SPMAP2L: variants seen among roughly 807,000 people sequenced by gnomAD.
The protein encoded by SPMAP2L is sperm microtubule associated protein 2-like.
At chr4:56,564,004 G>GTT in the SPMAP2L span, among the ~76,000 whole-genome samples, 1 of 152,104 alleles carries the variant, frequency 6.6e-6, no homozygotes, top group Non-Finnish European at 1.5e-5. Context: ...TGGTGAGAAG[G>GTT]TTTTTTAACT....
At chr4:56,604,018 G>A in the SPMAP2L span, among the ~76,000 whole-genome samples, 2 of 152,110 alleles carry the variant, frequency 1.3e-5, no homozygotes, top group Admixed American at 1.3e-4. Flanking sequence ...CTATAGATCA[G>A]TATTTTACAA....
the SPMAP2L span, among the ~76,000 whole-genome samples, chr4:56,578,203 G>A: frequency 3.9e-4 from 60 of 152,158 alleles, no homozygotes; most frequent in Middle Eastern, 6.8e-3. Flanking sequence ...GGCATACAAT[G>A]AATAAATAAA....
At chr4:56,532,453 A>G in the SPMAP2L span, among the ~76,000 whole-genome samples, 143 of 151,926 alleles carry the variant, frequency 9.4e-4, no homozygotes, top group African/African-American at 3.3e-3. Flanking sequence ...TCCTGCAGTT[A>G]TCCTCTCTCT....
chr4:56,615,582 A>G, the SPMAP2L span, among the ~76,000 whole-genome samples: 1 of 152,128 alleles, frequency 6.6e-6, no homozygotes, highest in South Asian at 2.1e-4. Flanking sequence ...CCCCGTCTCT[A>G]CTAAAAAATA....
chr4:56,603,975 G>A, the SPMAP2L span, among the ~76,000 whole-genome samples: 4 of 152,110 alleles, frequency 2.6e-5, no homozygotes, highest in African/African-American at 9.7e-5. Context: ...AAAATTCTCT[G>A]TAAAATTGCA....
the SPMAP2L span, among the ~76,000 whole-genome samples, chr4:56,600,097 C>CTTTCTTTTTTTT: frequency 1.1e-5 from 1 of 87,782 alleles, no homozygotes; most frequent in African/African-American, 5.1e-5. Flanking sequence ...TCTTTGCTTT[C>CTTTCTTTTTTTT]TTTTTTTTTT....
the SPMAP2L span, among the ~76,000 whole-genome samples, chr4:56,613,968 A>G: frequency 2.0e-5 from 3 of 152,208 alleles, no homozygotes; most frequent in African/African-American, 7.2e-5. Flanking sequence ...GCACCACCAC[A>G]TAGGCTGTGG....
At chr4:56,542,740 C>T in the SPMAP2L span, among the ~76,000 whole-genome samples, 1 of 144,420 alleles carries the variant, frequency 6.9e-6, no homozygotes, top group African/African-American at 2.7e-5. Context: ...TTGAGTAAGG[C>T]GCATCCTCTG....
chr4:56,602,048 G>T, the SPMAP2L span, among the ~76,000 whole-genome samples: 1 of 152,148 alleles, frequency 6.6e-6, no homozygotes, highest in Non-Finnish European at 1.5e-5. Context: ...ATAGGCTTTT[G>T]TATTTTTCCA....
the SPMAP2L span, among the ~76,000 whole-genome samples, chr4:56,606,314 T>C: frequency 6.6e-6 from 1 of 152,236 alleles, no homozygotes; most frequent in African/African-American, 2.4e-5. Flanking sequence ...CATTTGCTCT[T>C]GGAGAATTAC....
chr4:56,581,992 C>T, the SPMAP2L span, among the ~76,000 whole-genome samples: 1 of 152,108 alleles, frequency 6.6e-6, no homozygotes, highest in South Asian at 2.1e-4. Flanking sequence ...ATGTTTGACG[C>T]CCACATCATA....
At chr4:56,623,713 T>C in the SPMAP2L span, among the ~76,000 whole-genome samples, 6 of 152,156 alleles carry the variant, frequency 3.9e-5, no homozygotes, top group East Asian at 1.2e-3. Context: ...CCACTTTTCC[T>C]TCCTCCTCAT....
At chr4:56,534,130 C>T in the SPMAP2L span, among the ~76,000 whole-genome samples, 1 of 152,150 alleles carries the variant, frequency 6.6e-6, no homozygotes, top group South Asian at 2.1e-4. Flanking sequence ...GAATTGCCTG[C>T]AAGTCATCAT....
chr4:56,590,379 A>G, the SPMAP2L span, among the ~76,000 whole-genome samples: 1 of 152,228 alleles, frequency 6.6e-6, no homozygotes, highest in Non-Finnish European at 1.5e-5. Context: ...AAAATTATGC[A>G]TGGCTAAAAG....
chr4:56,560,440 C>T, the SPMAP2L span, among the ~76,000 whole-genome samples: 3 of 152,132 alleles, frequency 2.0e-5, no homozygotes, highest in African/African-American at 7.2e-5. Context: ...AAACTCTTCC[C>T]AAATGTGGAG....
the SPMAP2L span, among the ~76,000 whole-genome samples, chr4:56,534,109 A>T: frequency 6.6e-6 from 1 of 151,990 alleles, no homozygotes; most frequent in Non-Finnish European, 1.5e-5. Context: ...TAGAGGAAAA[A>T]TTTCTCAATT....
the SPMAP2L span, among the ~76,000 whole-genome samples, chr4:56,561,372 C>G: frequency 5.9e-5 from 9 of 152,046 alleles, no homozygotes; most frequent in African/African-American, 1.9e-4. Context: ...GGGTAATTTA[C>G]AAAGAGAAGA....
the SPMAP2L span, among the ~76,000 whole-genome samples, chr4:56,625,161 G>T: frequency 9.4e-3 from 1,434 of 152,268 alleles, 15 homozygotes; most frequent in African/African-American, 0.033. Flanking sequence ...CTGCCCTGCT[G>T]GGTTTCAGAC....
the SPMAP2L span, among the ~76,000 whole-genome samples, chr4:56,538,815 CAAAAG>C: frequency 6.6e-6 from 1 of 152,126 alleles, no homozygotes; most frequent in African/African-American, 2.4e-5. Flanking sequence ...AAAAGCAAAA[CAAAAG>C]AAAAGACTAC....
Sources: allele counts gnomAD v4.1 joint callset (sites outside exome capture counted in the v4.1 genomes callset), GRCh38; gene constraint gnomAD v4.1.1; transcripts MANE v1.5; gene names NCBI Gene and HGNC (gene_info 2026-07-23, HGNC 2026-07-21).